CABP1: variants seen among roughly 807,000 people sequenced by gnomAD.
CABP1 encodes calcium-binding protein 1.
A neutral mutation model predicts 34.3 loss-of-function variants in CABP1; 17 were observed. The observed-to-expected ratio is 0.50, with a 90% confidence interval of 0.34 to 0.74. CABP1 has a LOEUF of 0.74. Among genes scored for constraint, CABP1 ranks in the 30% least tolerant of loss-of-function variants. The probability of loss-of-function intolerance (pLI) is 0.01; values close to 1 mark genes in which losing one functional copy is unlikely to be tolerated. For missense variants in CABP1, 373 were observed against 511.1 expected, an observed-to-expected ratio of 0.73 and a Z score of 2.61; for synonymous variants, 198 against 229.2, an observed-to-expected ratio of 0.86 and a Z score of 1.23.
At chr12:120,657,583 C>T (rs1311817154) in intron 1 of CABP1, among the ~76,000 whole-genome samples, 1 of 152,188 alleles carries the variant, frequency 6.6e-6, no homozygotes, top group Non-Finnish European at 1.5e-5. Flanking sequence ...AGTTGCTGCA[C>T]GTGATCTTCC....
chr12:120,670,641 G>T (rs563356624), downstream of CABP1, among the ~76,000 whole-genome samples: 1 of 152,164 alleles, frequency 6.6e-6, no homozygotes, highest in Non-Finnish European at 1.5e-5. Flanking sequence ...CCAGCTATAC[G>T]GGAGGCTGAA....
At chr12:120,672,293 A>G (rs573513383), downstream of CABP1, among the ~76,000 whole-genome samples, 5 of 152,308 alleles carry the variant, frequency 3.3e-5, no homozygotes, top group Admixed American at 1.3e-4. Flanking sequence ...TGGGAAAAAC[A>G]ATACAGGTCA....
chr12:120,661,243 AG>A lies in CABP1; in HGVS notation c.1087+26del. 1 of 1,597,940 alleles carries A rather than the reference AG, an allele frequency of 6.3e-7. No individual in the cohort carries two copies. Among genetic ancestry groups the A allele is most frequent in the Non-Finnish European group, 8.5e-7 (1 of 1,177,504 alleles). On this transcript the variant is annotated intron_variant, in intron 5 of 5. Transcript: ENST00000316803. This position sits in a 1 kb window ranked among gnomAD's most constrained non-coding sequence, Gnocchi z 5.1. ...GGTAGGTGGGGCTTGAAAGTGGGAG[AG>A]AAGCAAGCCAGCAGTGGCCATCCAT...
Position 120,666,954 on chromosome 12 carries a change from A to C in CABP1, c.*54A>C. 1.3e-6 allele frequency: 2 copies of C among 1,567,340 alleles called. No homozygotes were observed. The highest frequency in any genetic ancestry group is 1.7e-6 in the Non-Finnish European group (2 of 1,161,692). ...AGCTCCCAAAGGCGGGGCTAAGAGG[A>C]GCTAGAGCTTGCCTCACCCGCTGTA... On this transcript the variant is annotated 3_prime_UTR_variant, in exon 6 of 6. Coordinates refer to ENST00000316803, the MANE Select transcript of CABP1 (RefSeq NM_001033677.2).
At chr12:120,675,135 C>T in the CABP1 span, among the ~76,000 whole-genome samples, 1 of 150,400 alleles carries the variant, frequency 6.6e-6, no homozygotes, top group Non-Finnish European at 1.5e-5. Flanking sequence ...TCACTGCAGC[C>T]TCTGCTTCCT....
chr12:120,651,714 C>T (rs1879858413), intron 1 of CABP1, among the ~76,000 whole-genome samples: 1 of 152,184 alleles, frequency 6.6e-6, no homozygotes, highest in Non-Finnish European at 1.5e-5. Flanking sequence ...ACACTTTGGG[C>T]TTTTCTGCCT....
the CABP1 span, among the ~76,000 whole-genome samples, chr12:120,679,367 A>C: frequency 6.6e-6 from 1 of 152,172 alleles, no homozygotes; most frequent in African/African-American, 2.4e-5. Flanking sequence ...CAAATCCCTC[A>C]ACTCTCTGAG....
rs144916977 is a variant in CABP1 at position 120,658,403 on chromosome 12, C to T, written c.655-1475C>T. Among the ~76,000 whole-genome samples the T allele has an allele frequency of 3.6e-3, 547 of 152,118 alleles. 7 individuals are homozygous for T. Among genetic ancestry groups the T allele is most frequent in the African/African-American group, 0.012 (506 of 41,536 alleles). ...GTGGACCACCGTGCCTGGCCCATAG[C>T]GAGCTTTTTAGGTGAACGTCCATGC... is the stretch of plus-strand genomic sequence containing the variant. On this transcript the variant is annotated intron_variant, in intron 1 of 5. Transcript: ENST00000316803.
chr12:120,663,895 T>G (rs1329591931), intron 5 of CABP1, among the ~76,000 whole-genome samples: 1 of 152,090 alleles, frequency 6.6e-6, no homozygotes, highest in Non-Finnish European at 1.5e-5. Flanking sequence ...AAGGGTAAAA[T>G]GTTGACTCTG....
In CABP1 at chr12:120,661,395, A is replaced by G. The variant is rs965899088; in HGVS notation, c.1087+177A>G. 26 of 621,736 alleles carry G rather than the reference A, an allele frequency of 4.2e-5. No homozygotes were observed. Among genetic ancestry groups the G allele is most frequent in the Non-Finnish European group, 6.6e-5 (24 of 363,774 alleles). 38.5% of individuals were successfully genotyped at this position (621,736 alleles called of 1,614,324 possible). ...CTAATCCATCTCCCATCCCTTCCCCATGCATCTATTCATGCATCTGTCCAT... is the reference window on the plus strand; with the variant it reads ...CTAATCCATCTCCCATCCCTTCCCCGTGCATCTATTCATGCATCTGTCCAT... On this transcript the variant is annotated intron_variant, in intron 5 of 5. Coordinates refer to ENST00000316803, the MANE Select transcript of CABP1 (RefSeq NM_001033677.2). This position sits in a 1 kb window ranked among gnomAD's most constrained non-coding sequence, Gnocchi z 5.1.
Position 120,647,384 on chromosome 12 carries a change from GA to G in CABP1, c.654+6046del, listed in dbSNP as rs60149407. Reference sequence around the variant, plus strand: ...CACATGGTTACTGAGCAGCAGACAAGATTTTTTTTTTTTTTTTAAATAGAGA... The same window carrying G: ...CACATGGTTACTGAGCAGCAGACAAGTTTTTTTTTTTTTTTTAAATAGAGA... On this transcript the variant is annotated intron_variant, in intron 1 of 5. Coordinates refer to ENST00000316803, the MANE Select transcript of CABP1 (RefSeq NM_001033677.2). 6.0e-3 allele frequency among the ~76,000 whole-genome samples: 634 copies of G among 105,934 alleles called. 3 individuals carry two copies. Among genetic ancestry groups the G allele is most frequent in the African/African-American group, 0.01 (282 of 27,166 alleles). 69.5% of individuals were successfully genotyped at this position (105,934 alleles called of 152,430 possible).
At chr12:120,647,742 A>AT (rs11393885) in intron 1 of CABP1, among the ~76,000 whole-genome samples, 5,050 of 130,426 alleles carry the variant, frequency 0.039, 170 homozygotes, top group East Asian at 0.17. Context: ...TAACTTTTGT[A>AT]TTTTTTTTTT....
chr12:120,655,618 T>C (rs1593162628), intron 1 of CABP1: 2 of 1,377,476 alleles, frequency 1.5e-6, no homozygotes, highest in Non-Finnish European at 1.9e-6. Context: ...CTGGCTGGAG[T>C]AGGACAAGTC....
intron 5 of CABP1, among the ~76,000 whole-genome samples, chr12:120,664,806 C>T (rs1055197433): frequency 1.1e-4 from 17 of 150,254 alleles, no homozygotes; most frequent in Middle Eastern, 3.2e-3. Flanking sequence ...ACCCGGGAGG[C>T]GGAGGTTGTA....
At chr12:120,652,441 T>C (rs1879907219) in intron 1 of CABP1, among the ~76,000 whole-genome samples, 1 of 152,210 alleles carries the variant, frequency 6.6e-6, no homozygotes, top group Admixed American at 6.5e-5. Context: ...ATAGTTCTTT[T>C]GGCTGTTTTA....
chr12:120,671,877 G>A (rs1015666614), downstream of CABP1, among the ~76,000 whole-genome samples: 9 of 151,972 alleles, frequency 5.9e-5, no homozygotes, highest in African/African-American at 2.2e-4. Flanking sequence ...GACCAGGTTG[G>A]GCAACATAGT....
intron 1 of CABP1, among the ~76,000 whole-genome samples, chr12:120,648,897 A>G (rs897048733): frequency 4.1e-5 from 6 of 147,862 alleles, no homozygotes; most frequent in Non-Finnish European, 7.5e-5. Context: ...AAAAAAAAAG[A>G]AGCTGGCAGA....
In CABP1 at chr12:120,640,635, C is replaced by G; in HGVS notation, c.-51C>G. The G allele has an allele frequency of 1.8e-6, 2 of 1,136,424 alleles. 1 individual carries two copies. Among genetic ancestry groups the G allele is most frequent in the South Asian group, 8.7e-5 (2 of 22,890 alleles). 70.4% of individuals were successfully genotyped at this position (1,136,424 alleles called of 1,614,324 possible). ...AGCCGGCAGCGCCCCCAGATCTGCA[C>G]CGCCAGCCGCCGGGAGCTCCGGGCT... On this transcript the variant is annotated 5_prime_UTR_variant, in exon 1 of 6. Transcript: ENST00000316803. The surrounding 1 kb of genome is among the most constrained non-coding windows in gnomAD (Gnocchi z 6.2).
chr12:120,655,795 G>A, intron 1 of CABP1: 1 of 1,505,108 alleles, frequency 6.6e-7, no homozygotes. Flanking sequence ...TTGGGTGTGT[G>A]ATTCTGTGCA....
Sources: allele counts gnomAD v4.1 joint callset (sites outside exome capture counted in the v4.1 genomes callset), GRCh38; gene constraint gnomAD v4.1.1; non-coding constraint Gnocchi (gnomAD v3.1); transcripts MANE v1.5; gene names NCBI Gene and HGNC (gene_info 2026-07-23, HGNC 2026-07-21).